PDE4C: variants seen among roughly 807,000 people sequenced by gnomAD.
PDE4C encodes 3',5'-cyclic-AMP phosphodiesterase 4C.
A neutral mutation model predicts 63.9 loss-of-function variants in PDE4C; 50 were observed. That is an observed-to-expected ratio of 0.78 (90% CI 0.62 to 0.99). The LOEUF is 0.99. PDE4C is among the 50% of genes least tolerant of loss of function. The probability of loss-of-function intolerance (pLI) is 0.00; values close to 1 mark genes in which losing one functional copy is unlikely to be tolerated. For missense variants in PDE4C, 777 were observed against 899.1 expected (o/e 0.86, Z 1.74); for synonymous variants, 377 against 385.1 (o/e 0.98, Z 0.25).
At chr19:18,224,241 GTGGGTTTT>G in intron 1 of PDE4C, 1 of 985,532 alleles carries the variant, frequency 1.0e-6, no homozygotes, top group South Asian at 4.7e-5. Context: ...TGACCTGGGG[GTGGGTTTT>G]CAAGAAGGGC....
chr19:18,217,054 C>T (rs1968230788), intron 11 of PDE4C, 159 bp from the exon 12 acceptor site: 1 of 740,862 alleles, frequency 1.3e-6, no homozygotes, highest in Admixed American at 3.2e-5. Flanking sequence ...CTGGCGCTTC[C>T]CTGACTGCAG....
intron 1 of PDE4C, among the ~76,000 whole-genome samples, chr19:18,241,066 A>T (rs1969026959): frequency 6.6e-6 from 1 of 151,852 alleles, no homozygotes; most frequent in Admixed American, 6.6e-5. Flanking sequence ...GGCACCTGAA[A>T]TTTAAGGCAG....
chr19:18,220,099 C>T lies in PDE4C; in HGVS notation c.706+127G>A, dbSNP rs1968389742. The stretch of plus-strand genomic sequence containing the variant: ...GTTCCTCCCTCTGATCCAGCCCTGA[C>T]TCATGGGGGCTGAAGGTGTCTGTGT... On this transcript the variant is annotated intron_variant, in intron 7 of 14. Transcript: ENST00000262805. This position sits in a 1 kb window ranked among gnomAD's most constrained non-coding sequence, Gnocchi z 5.1. 3 of 765,800 alleles carry T rather than the reference C, an allele frequency of 3.9e-6. No individual in the cohort carries two copies. Among genetic ancestry groups the T allele is most frequent in the South Asian group, 1.6e-5 (1 of 64,068 alleles). The allele number at this position is 765,800 out of a possible 1,614,324, so 47.4% of individuals were successfully genotyped here.
At chr19:18,219,165 C>A in intron 8 of PDE4C, 69 bp downstream of exon 8, 3 of 1,607,874 alleles carry the variant, frequency 1.9e-6, no homozygotes, top group Non-Finnish European at 2.6e-6. Context: ...GGCAAACAGG[C>A]CCGAGATAGG....
At chr19:18,210,704 GC>G in exon 15 of PDE4C, 2 of 530,144 alleles carry the variant, frequency 3.8e-6, no homozygotes, top group South Asian at 9.5e-5. Flanking sequence ...GTAAGAGGCT[GC>G]CCCTTAGAGA....
intron 1 of PDE4C, among the ~76,000 whole-genome samples, chr19:18,222,947 A>T (rs1240172470): frequency 6.6e-6 from 1 of 151,016 alleles, no homozygotes; most frequent in African/African-American, 2.4e-5. Flanking sequence ...CAATCCTCCC[A>T]GCTCCGCCTC....
upstream of PDE4C, among the ~76,000 whole-genome samples, chr19:18,228,844 A>C (rs1478928593): frequency 6.6e-6 from 1 of 152,326 alleles, no homozygotes; most frequent in East Asian, 1.9e-4. Flanking sequence ...AAGCACCCCT[A>C]CCCTGACTCC....
intron 11 of PDE4C, among the ~76,000 whole-genome samples, chr19:18,217,566 T>G (rs1483935775): frequency 6.6e-6 from 1 of 151,670 alleles, no homozygotes; most frequent in Non-Finnish European, 1.5e-5. Context: ...GTCAACTGAG[T>G]TTTTCAGATT....
chr19:18,233,287 G>A lies in PDE4C; in HGVS notation c.-96C>T, dbSNP rs1320149329. ...TGCTCCCGGGTCCGGCCCAGGGCCG[G>A]GAGTGGAGGCGACAGCGAGGAGCTG... On this transcript the variant is annotated 5_prime_UTR_variant, in exon 1 of 15. Coordinates refer to the PDE4C transcript ENST00000594465. 7 of 1,510,944 alleles carry A rather than the reference G, an allele frequency of 4.6e-6. No individual in the cohort carries two copies. In the South Asian group the frequency reaches 6.0e-5, roughly 13 times the overall value. 93.6% of individuals were successfully genotyped at this position (1,510,944 alleles called of 1,614,324 possible).
chr19:18,229,170 G>C (rs146900112), upstream of PDE4C, among the ~76,000 whole-genome samples: 2 of 142,110 alleles, frequency 1.4e-5, no homozygotes, highest in Non-Finnish European at 3.0e-5. Context: ...GGCTGGTCTC[G>C]AACTCCTGAC....
In PDE4C at chr19:18,218,245, C is replaced by T. The variant is rs755308767; in HGVS notation, c.1138G>A (p.Val380Met). Residue 380 changes from valine (V) to methionine (M), a missense_variant, in exon 11 of 15, where the codon GTG becomes ATG. Val to Met is a conservative substitution (Grantham distance 21). Coordinates refer to ENST00000262805, the Ensembl canonical transcript of PDE4C. ...GCCAGGATTTCCAAGTCTGTGAACA[C>T]AGCCTGAGCAGGCAGAGGGCACAGG... The T allele has an allele frequency of 1.1e-5, 17 of 1,614,074 alleles. No individual in the cohort carries two copies. The Admixed American group carries it at 2.8e-4, about 27-fold the overall frequency.
exon 14 of PDE4C, chr19:18,211,917 C>T: frequency 6.2e-7 from 1 of 1,614,204 alleles, no homozygotes. Context: ...CTCAGATCAG[C>T]ACAGTGCACC....
exon 1 of PDE4C, chr19:18,226,417 G>T: frequency 7.0e-7 from 1 of 1,423,242 alleles, no homozygotes; most frequent in Non-Finnish European, 9.1e-7. Flanking sequence ...GCCCTGCATC[G>T]CCAGGACTGC....
upstream of PDE4C, chr19:18,226,605 C>CATT: frequency 4.9e-6 from 1 of 203,718 alleles, no homozygotes; most frequent in Non-Finnish European, 8.7e-6. Flanking sequence ...CTCTCTGCTC[C>CATT]TTTTTTTTTT....
exon 15 of PDE4C, chr19:18,210,747 A>T (rs1255655006): frequency 8.6e-6 from 9 of 1,049,148 alleles, no homozygotes; most frequent in Non-Finnish European, 9.2e-6. Context: ...GTCAGAGTGG[A>T]CCCCAGCCAG....
upstream of PDE4C, chr19:18,250,016 G>A (rs917533018): frequency 1.5e-5 from 6 of 398,054 alleles, no homozygotes; most frequent in African/African-American, 4.1e-5. Flanking sequence ...TCCATAACTC[G>A]TGTTTTCACA....
chr19:18,245,555 G>T (rs1056588700), intron 1 of PDE4C, among the ~76,000 whole-genome samples: 1 of 152,228 alleles, frequency 6.6e-6, no homozygotes, highest in Non-Finnish European at 1.5e-5. Context: ...AAAATGGCCA[G>T]CTGCTTGTTT....
At chr19:18,221,433 C>A in intron 2 of PDE4C, 136 bp from the exon 3 acceptor site, 1 of 786,590 alleles carries the variant, frequency 1.3e-6, no homozygotes. Flanking sequence ...GGGGTCCCCT[C>A]ATGCGACTCT....
intron 2 of PDE4C, 100 bp from the exon 3 acceptor site, chr19:18,221,397 C>A: frequency 8.3e-7 from 1 of 1,202,794 alleles, no homozygotes; most frequent in Non-Finnish European, 1.2e-6. Flanking sequence ...CTCAGGACTT[C>A]TCCTCCAGGC....
Sources: gnomAD v4.1 joint callset for allele counts (sites outside exome capture counted in the v4.1 genomes callset) on GRCh38, gnomAD v4.1.1 for gene constraint, Gnocchi (gnomAD v3.1) non-coding constraint, MANE v1.5 for transcripts, NCBI Gene and HGNC (gene_info 2026-07-23, HGNC 2026-07-21) for gene names.